Variants in MYT1 observed in about 807,000 individuals in gnomAD.
MYT1 encodes myelin transcription factor I.
Under a neutral mutation model 123.0 loss-of-function variants are expected in MYT1, and 23 were observed. The ratio of observed to expected loss-of-function variants is 0.19; its 90% CI spans 0.13 to 0.26. The LOEUF is 0.26. Ranked by LOEUF, MYT1 falls within the 10% of genes least tolerant of loss-of-function variation. The pLI, the probability that MYT1 is intolerant of heterozygous loss-of-function variation, is 1.00. For missense variants in MYT1, 1,125 were observed against 1,472.5 expected, an observed-to-expected ratio of 0.76 and a Z score of 3.86; for synonymous variants, 518 against 575.3, an observed-to-expected ratio of 0.90 and a Z score of 1.43.
At chr20:64,223,220 G>C in intron 15 of MYT1, 47 bp downstream of exon 15, 1 of 1,613,644 alleles carries the variant, frequency 6.2e-7, no homozygotes, top group South Asian at 1.1e-5. Flanking sequence ...TTCGTGGTGG[G>C]TCTTCCTCCT....
rs1463459369 is a variant in MYT1 at position 64,193,145 on chromosome 20, C to G, written c.-1+2985C>G. Among the ~76,000 whole-genome samples, 1 of 152,208 alleles carries G rather than the reference C, an allele frequency of 6.6e-6. No individual in the cohort carries two copies. The highest frequency in any genetic ancestry group is 2.4e-5 in the African/African-American group (1 of 41,452). On this transcript the variant is annotated intron_variant, in intron 2 of 22. Coordinates refer to ENST00000328439, the MANE Select transcript of MYT1 (RefSeq NM_004535.3). This position sits in a 1 kb window ranked among gnomAD's most constrained non-coding sequence, Gnocchi z 4.0. ...TCAGAATTTCAGACATGCAACAGGA[C>G]ATCACCCAATGTGAGGACAGAACTA...
chr20:64,217,256 C>T lies in MYT1; in HGVS notation c.1821C>T (p.Ser607=). The change falls in exon 11 of 23, where the codon AGC becomes AGT. Residue 607 remains serine (S), a synonymous_variant. Transcript: ENST00000328439. The part of the protein sequence containing the change: ...KRMLAPKIQT[S]ETSPKAFQCF... ...TGCTTGCCCCAAAGATTCAGACCAG[C>T]GAAACCTCACCTAAAGCCTTTCAAT... is the stretch of plus-strand genomic sequence containing the variant. 1 of 1,614,230 alleles carries T rather than the reference C, an allele frequency of 6.2e-7. No homozygotes were observed. Among genetic ancestry groups the T allele is most frequent in the East Asian group, 2.2e-5 (1 of 44,888 alleles).
rs1328295480 is a variant in MYT1, at chr20:64,232,162, A to G, written c.2676-2A>G. On this transcript the variant is annotated splice_acceptor_variant, in intron 18 of 22. Coordinates refer to ENST00000328439, the MANE Select transcript of MYT1 (RefSeq NM_004535.3). LOFTEE classifies it high-confidence loss of function. The surrounding 1 kb of genome is among the most constrained non-coding windows in gnomAD (Gnocchi z 6.9). Reference sequence around the variant, plus strand: ...TACTCACCCCGGCCTCTCTGTACCCAGGTGCCCAGTTCCAGGCTGTGTGGG... The same window carrying G: ...TACTCACCCCGGCCTCTCTGTACCCGGGTGCCCAGTTCCAGGCTGTGTGGG... The G allele has an allele frequency of 6.2e-7, 1 of 1,612,662 alleles. No homozygotes were observed. Among genetic ancestry groups the G allele is most frequent in the Non-Finnish European group, 8.5e-7 (1 of 1,179,880 alleles).
chr20:64,200,578 C>T (rs1983264822), intron 4 of MYT1, among the ~76,000 whole-genome samples: 1 of 152,102 alleles, frequency 6.6e-6, no homozygotes, highest in Admixed American at 6.5e-5. Flanking sequence ...CACTTGAGGC[C>T]CCGTAACTTG....
At chr20:64,227,556 C>A in intron 17 of MYT1, 79 bp downstream of exon 17, 2 of 1,296,732 alleles carry the variant, frequency 1.5e-6, no homozygotes, top group Non-Finnish European at 2.2e-6. Flanking sequence ...TTAGAAGACA[C>A]TAATGTTGCT....
At chr20:64,170,910 G>T (rs1479514542) in intron 1 of MYT1, among the ~76,000 whole-genome samples, 1 of 129,496 alleles carries the variant, frequency 7.7e-6, no homozygotes, top group Non-Finnish European at 1.6e-5. Context: ...GAGAGAGAGA[G>T]AGAGAGAGAG....
In MYT1 at chr20:64,207,988, G is replaced by C; in HGVS notation, c.792G>C (p.Glu264Asp). The C allele has an allele frequency of 6.3e-7, 1 of 1,598,830 alleles. No individual in the cohort carries two copies. Residue 264 changes from glutamate to aspartate, a missense_variant, in exon 7 of 23, where the codon GAG becomes GAC. This residue lies in a region of MYT1 where 406 missense variants were observed against 432.2 expected (regional missense o/e 0.94). Coordinates refer to ENST00000328439, the MANE Select transcript of MYT1 (RefSeq NM_004535.3). ...ILSHEEEDEE[E>D]EEEEEEEEED... The stretch of plus-strand genomic sequence containing the variant: ...GTCACGAAGAGGAGGACGAGGAGGA[G>C]GAGGAGGAGGAAGAGGAGGAGGAGG...
Position 64,222,173 on chromosome 20 carries a change from C to T in MYT1, c.2396+126C>T, listed in dbSNP as rs998686015. 16 of 1,028,416 alleles carry T rather than the reference C, an allele frequency of 1.6e-5. No homozygotes were observed. The East Asian group carries it at 1.8e-4, about 11-fold the overall frequency. 63.7% of individuals were successfully genotyped at this position (1,028,416 alleles called of 1,614,324 possible). ...TTTCCCCGACCTGTCCTGACCACCT[C>T]GAGCCAGGCAGCCTGTGACAGGAGC... On this transcript the variant is annotated intron_variant, in intron 14 of 22. Coordinates refer to ENST00000328439, the MANE Select transcript of MYT1 (RefSeq NM_004535.3).
intron 1 of MYT1, among the ~76,000 whole-genome samples, chr20:64,183,754 C>T (rs1304151866): frequency 6.6e-6 from 1 of 152,140 alleles, no homozygotes; most frequent in East Asian, 1.9e-4. Context: ...AGCTCTTTAT[C>T]AGATTTACGA....
intron 18 of MYT1, among the ~76,000 whole-genome samples, chr20:64,230,719 C>T (rs1280673942): frequency 6.6e-6 from 1 of 152,220 alleles, no homozygotes; most frequent in African/African-American, 2.4e-5. Flanking sequence ...CCCATAGGGG[C>T]CCCTGGCAGT....
chr20:64,199,047 C>A, intron 3 of MYT1, 131 bp downstream of exon 3: 1 of 916,900 alleles, frequency 1.1e-6, no homozygotes. Flanking sequence ...CAGCCTCATT[C>A]ATCCTCAGGG....
Position 64,198,914 on chromosome 20 carries a change from G to C in MYT1, c.53G>C (p.Arg18Pro). 6.2e-7 allele frequency: 1 copy of C among 1,614,028 alleles called. No individual in the cohort carries two copies. The highest frequency in any genetic ancestry group is 8.5e-7 in the Non-Finnish European group (1 of 1,179,914). ...GCTCGCACCCGATCCAAGGCCCTGCGAGGTGAGTGCCGCCCTCCCCTCCTC... is the reference window on the plus strand; with the variant it reads ...GCTCGCACCCGATCCAAGGCCCTGCCAGGTGAGTGCCGCCCTCCCCTCCTC... ...KRARTRSKAL[R>P]GPPETTAADL... The change falls in exon 3 of 23, where the codon CGA becomes CCA. Residue 18 changes from arginine (R) to proline (P), a missense_variant and splice_region_variant. Physicochemically the swap from Arg to Pro is moderately radical, Grantham distance 103. Around this residue, in one of 4 missense-constraint regions of MYT1, gnomAD observed 406 missense variants for 432.2 expected, o/e 0.94. Coordinates refer to ENST00000328439, the MANE Select transcript of MYT1 (RefSeq NM_004535.3).
At position 64,196,984 on chromosome 20, in the gene MYT1, G is replaced by A. The variant is rs889182229; in HGVS notation, c.1-1878G>A. ...TCCTGCATCGGAAGGCATTGCACAC[G>A]GGCTCAGAGCAGACGACATTTGAAG... On this transcript the variant is annotated intron_variant, in intron 2 of 22. Transcript: ENST00000328439. This position sits in a 1 kb window ranked among gnomAD's most constrained non-coding sequence, Gnocchi z 4.3. 1.3e-5 allele frequency among the ~76,000 whole-genome samples: 2 copies of A among 152,218 alleles called. No individual in the cohort carries two copies. The highest frequency in any genetic ancestry group is 6.5e-5 in the Admixed American group (1 of 15,292).
At chr20:64,217,324 C>T (rs1405546643) in intron 11 of MYT1, 43 bp downstream of exon 11, 1 of 1,602,258 alleles carries the variant, frequency 6.2e-7, no homozygotes, top group African/African-American at 1.3e-5. Context: ...CTGTGTTGCT[C>T]CTGGGAGGGG....
chr20:64,174,324 T>TCTC (rs1225138970), intron 1 of MYT1, among the ~76,000 whole-genome samples: 1 of 466 alleles, frequency 2.1e-3, no homozygotes, highest in African/African-American at 0.014. Context: ...CTCCCTGGCT[T>TCTC]CTCCTGCAGC....
intron 2 of MYT1, among the ~76,000 whole-genome samples, chr20:64,198,062 G>T (rs1475285767): frequency 2.0e-5 from 3 of 152,008 alleles, no homozygotes; most frequent in Non-Finnish European, 2.9e-5. Flanking sequence ...GAGACGGGCG[G>T]ATCACGAGGT....
At position 64,185,326 on chromosome 20, in the gene MYT1, G is replaced by A. The variant is rs1442741096; in HGVS notation, c.-98-4737G>A. 2.0e-5 allele frequency among the ~76,000 whole-genome samples: 3 copies of A among 152,166 alleles called. No individual in the cohort carries two copies. The highest frequency in any genetic ancestry group is 4.8e-5 in the African/African-American group (2 of 41,444). On this transcript the variant is annotated intron_variant, in intron 1 of 22. Coordinates refer to ENST00000328439, the MANE Select transcript of MYT1 (RefSeq NM_004535.3). This position sits in a 1 kb window ranked among gnomAD's most constrained non-coding sequence, Gnocchi z 4.5. ...CATCTCCTGTGCTGGAGACGGAGGA[G>A]GGCTGAGGGGGTGCATGGGAGAATG...
intron 14 of MYT1, among the ~76,000 whole-genome samples, chr20:64,222,833 G>A (rs1984049463): frequency 6.6e-6 from 1 of 152,248 alleles, no homozygotes; most frequent in African/African-American, 2.4e-5. Flanking sequence ...ATATTCGTGG[G>A]CACATACACG....
In MYT1 at chr20:64,213,467, A is replaced by G. The variant is rs2145720502; in HGVS notation, c.1518-67A>G. 3.1e-6 allele frequency: 4 copies of G among 1,302,066 alleles called. No individual in the cohort carries two copies. The East Asian group carries it at 9.3e-5, about 30-fold the overall frequency. The allele number at this position is 1,302,066 out of a possible 1,614,324, so 80.7% of individuals were successfully genotyped here. ...ACCTTGCCGTGAGACACCCACACAC[A>G]CAGACACCCAGGACAGGACAGGCAT... is the stretch of plus-strand genomic sequence containing the variant. On this transcript the variant is annotated intron_variant, in intron 9 of 22. Transcript: ENST00000328439. This position sits in a 1 kb window ranked among gnomAD's most constrained non-coding sequence, Gnocchi z 5.6.
Sources: allele counts gnomAD v4.1 joint callset (sites outside exome capture counted in the v4.1 genomes callset), GRCh38; gene constraint gnomAD v4.1.1; regional missense constraint gnomAD v4.1.1; non-coding constraint Gnocchi (gnomAD v3.1); transcripts MANE v1.5; gene names NCBI Gene and HGNC (gene_info 2026-07-23, HGNC 2026-07-21).